The following RCSD1 variants were observed in gnomAD, a reference collection of about 807,000 sequenced individuals.
The protein encoded by RCSD1 is RCSD domain containing 1, also known as capZ-interacting protein.
RCSD1 carries 26 observed loss-of-function variants against 42.5 expected under a neutral mutation model. That is an observed-to-expected ratio of 0.61 (90% CI 0.45 to 0.85). The LOEUF (loss-of-function observed/expected upper bound fraction) is 0.85, where lower values mean the gene tolerates loss of function less well. RCSD1 is among the 40% of genes least tolerant of loss of function. The pLI, the probability that RCSD1 is intolerant of heterozygous loss-of-function variation, is 0.00. For synonymous variants in RCSD1, 220 were observed against 212.2 expected, an observed-to-expected ratio of 1.04 and a Z score of -0.32; for missense variants, 571 against 528.3, an observed-to-expected ratio of 1.08 and a Z score of -0.79.
chr1:167,685,178 G>A (rs1571095745), intron 2 of RCSD1, among the ~76,000 whole-genome samples: 1 of 152,296 alleles, frequency 6.6e-6, no homozygotes, highest in South Asian at 2.1e-4. Flanking sequence ...AAATGGAGTG[G>A]AGAGGGTGAA....
intron 1 of RCSD1, among the ~76,000 whole-genome samples, chr1:167,644,182 T>C (rs12062583): frequency 0.3 from 45,317 of 151,924 alleles, 6,975 homozygotes; most frequent in African/African-American, 0.33. Context: ...TCTCCTTGGC[T>C]CAAGAAATAT....
At chr1:167,681,931 G>C (rs1659092051) in intron 1 of RCSD1, among the ~76,000 whole-genome samples, 1 of 152,172 alleles carries the variant, frequency 6.6e-6, no homozygotes, top group Non-Finnish European at 1.5e-5. Context: ...AACTCATCAG[G>C]GTGGGGCCTC....
intron 1 of RCSD1, among the ~76,000 whole-genome samples, chr1:167,681,759 TAGACAGATGGACAAACCAATC>T (rs1659087210): frequency 6.6e-6 from 1 of 152,214 alleles, no homozygotes; most frequent in Admixed American, 6.5e-5. Context: ...GGCAAGAAGT[TAGACAGATGGACAAACCAATC>T]AGCCAGCATC....
At chr1:167,695,800 C>T (rs989503791) in intron 5 of RCSD1, among the ~76,000 whole-genome samples, 10 of 152,150 alleles carry the variant, frequency 6.6e-5, no homozygotes, top group Admixed American at 3.3e-4. Context: ...GGATTACAGG[C>T]GGGCACCACC....
chr1:167,687,900 T>A (rs1659274857), intron 3 of RCSD1, among the ~76,000 whole-genome samples: 1 of 152,228 alleles, frequency 6.6e-6, no homozygotes, highest in Non-Finnish European at 1.5e-5. Context: ...CAGCCACAGA[T>A]CCTGCCTCCT....
At chr1:167,639,122 C>T (rs1657940551) in intron 1 of RCSD1, among the ~76,000 whole-genome samples, 2 of 152,122 alleles carry the variant, frequency 1.3e-5, no homozygotes, top group Non-Finnish European at 2.9e-5. Context: ...GAGGCTGAGG[C>T]AGGAGAATGG....
In RCSD1 at chr1:167,707,817, A is replaced by G. The variant is rs939178253; in HGVS notation, c.*3121A>G. On this transcript the variant is annotated 3_prime_UTR_variant, in exon 7 of 7. Coordinates refer to ENST00000367854, the MANE Select transcript of RCSD1 (RefSeq NM_052862.4). Reference sequence around the variant, plus strand: ...AAGTACTGCAGTTACTTTTGCACCAACCTAATAGCTCGGATTACAAGTATG... The same window carrying G: ...AAGTACTGCAGTTACTTTTGCACCAGCCTAATAGCTCGGATTACAAGTATG... Among the ~76,000 whole-genome samples the G allele has an allele frequency of 6.6e-6, 1 of 151,882 alleles. No homozygotes were observed. Among genetic ancestry groups the G allele is most frequent in the African/African-American group, 2.4e-5 (1 of 41,316 alleles).
At chr1:167,675,750 T>C (rs1299136488) in intron 1 of RCSD1, among the ~76,000 whole-genome samples, 1 of 152,100 alleles carries the variant, frequency 6.6e-6, no homozygotes, top group Non-Finnish European at 1.5e-5. Flanking sequence ...GAGCTCAGGG[T>C]TGGGGTGAGA....
chr1:167,667,167 G>C (rs1044742142), intron 1 of RCSD1, among the ~76,000 whole-genome samples: 4 of 152,132 alleles, frequency 2.6e-5, no homozygotes, highest in African/African-American at 9.7e-5. Flanking sequence ...GGCTTCAAGG[G>C]AGGGGGCGCC....
intron 1 of RCSD1, among the ~76,000 whole-genome samples, chr1:167,658,909 T>C (rs184496608): frequency 6.6e-6 from 1 of 151,980 alleles, no homozygotes; most frequent in East Asian, 1.9e-4. Context: ...TTCTCAGGAG[T>C]GTAGGGTGAG....
At position 167,706,428 on chromosome 1, in the gene RCSD1, G is replaced by T. The variant is rs1195206800; in HGVS notation, c.*1732G>T. Among the ~76,000 whole-genome samples, 1 of 152,144 alleles carries T rather than the reference G, an allele frequency of 6.6e-6. No homozygotes were observed. Among genetic ancestry groups the T allele is most frequent in the Non-Finnish European group, 1.5e-5 (1 of 68,052 alleles). ...TTATACACATGCACTATCTGGGCAA[G>T]TACTTTGTGAATATGTGCATGATTG... On this transcript the variant is annotated 3_prime_UTR_variant, in exon 7 of 7. Transcript: ENST00000367854.
intron 1 of RCSD1, among the ~76,000 whole-genome samples, chr1:167,665,881 C>T (rs527453316): frequency 2.6e-4 from 39 of 152,118 alleles, no homozygotes; most frequent in African/African-American, 9.4e-4. Flanking sequence ...GCATGATCTC[C>T]ACTCACTGCA....
At chr1:167,698,114 G>C (rs1053386676) in intron 6 of RCSD1, among the ~76,000 whole-genome samples, 1 of 152,190 alleles carries the variant, frequency 6.6e-6, no homozygotes, top group Non-Finnish European at 1.5e-5. Context: ...GTGAGTGACC[G>C]AGCCTCGGCA....
intron 1 of RCSD1, among the ~76,000 whole-genome samples, chr1:167,659,579 G>A (rs551672766): frequency 6.6e-6 from 1 of 152,148 alleles, no homozygotes; most frequent in Non-Finnish European, 1.5e-5. Context: ...TGCAGAGCCA[G>A]GCGTGGGAAT....
At chr1:167,666,733 A>G (rs537655563) in intron 1 of RCSD1, among the ~76,000 whole-genome samples, 1 of 152,370 alleles carries the variant, frequency 6.6e-6, no homozygotes, top group Non-Finnish European at 1.5e-5. Context: ...AACACCCAAC[A>G]GTCTTCCCTG....
In RCSD1 at chr1:167,690,229, A is replaced by G. The variant is rs1659344527; in HGVS notation, c.270+109A>G. On this transcript the variant is annotated intron_variant, in intron 4 of 6. Coordinates refer to ENST00000367854, the MANE Select transcript of RCSD1 (RefSeq NM_052862.4). ...GGGGTAGCCTATGTGTCACCTGCAT[A>G]ATTGGCCCCAATAATCAGCCAGTGA... 5 of 888,350 alleles carry G rather than the reference A, an allele frequency of 5.6e-6. No homozygotes were observed. In the Admixed American group the frequency reaches 1.2e-4, roughly 21 times the overall value. The allele number at this position is 888,350 out of a possible 1,614,324, so 55.0% of individuals were successfully genotyped here.
rs1659533946 is a variant in RCSD1 at position 167,697,649 on chromosome 1, G to A, written c.1025G>A (p.Gly342Glu). ...DSQETKKLEE[G>E]AAVKETPHSP... is the part of the protein sequence containing the mutation. ...CAAGAAACAAAGAAGCTGGAGGAGG[G>A]AGCTGCAGTGAAGGAGACCCCCCAC... The change falls in exon 6 of 7, where the codon GGA (glycine) becomes GAA (glutamate). Residue 342 changes from glycine (G) to glutamate (E), a missense_variant. Physicochemically the swap from Gly to Glu is moderately conservative, Grantham distance 98. Coordinates refer to ENST00000367854, the MANE Select transcript of RCSD1 (RefSeq NM_052862.4). 1.1e-5 allele frequency: 17 copies of A among 1,605,978 alleles called. No individual in the cohort carries two copies. Among genetic ancestry groups the A allele is most frequent in the Non-Finnish European group, 1.2e-5 (14 of 1,176,310 alleles).
In RCSD1 at chr1:167,706,332, C is replaced by T. The variant is rs1380226916; in HGVS notation, c.*1636C>T. 1 of 152,114 alleles carries T rather than the reference C, an allele frequency of 6.6e-6. No homozygotes were observed. The highest frequency in any genetic ancestry group is 1.9e-4 in the East Asian group (1 of 5,196). 9.4% of individuals were successfully genotyped at this position (152,114 alleles called of 1,614,324 possible). On this transcript the variant is annotated 3_prime_UTR_variant, in exon 7 of 7. Coordinates refer to ENST00000367854, the MANE Select transcript of RCSD1 (RefSeq NM_052862.4). ...GCTAGCTTGCTATCAATCTAGCTAC[C>T]ATCCATTTATTGACAGAGAAGTCTA...
intron 1 of RCSD1, among the ~76,000 whole-genome samples, chr1:167,683,008 C>T (rs1457254217): frequency 2.0e-5 from 3 of 152,172 alleles, no homozygotes; most frequent in South Asian, 2.1e-4. Flanking sequence ...CTGGCCATTT[C>T]CAGCATCACT....
Sources: gnomAD v4.1 joint callset for allele counts (sites outside exome capture counted in the v4.1 genomes callset) on GRCh38, gnomAD v4.1.1 for gene constraint, MANE v1.5 for transcripts, NCBI Gene and HGNC (gene_info 2026-07-23, HGNC 2026-07-21) for gene names.